FRMD5: variants seen among roughly 807,000 people sequenced by gnomAD.
The protein encoded by FRMD5 is FERM domain containing 5, also known as FERM domain-containing protein 5.
In FRMD5, 20 loss-of-function variants were observed where a neutral mutation model predicts 69.0. That is an observed-to-expected ratio of 0.29 (90% CI 0.20 to 0.42). FRMD5 has a LOEUF of 0.42. FRMD5 is among the 10% of genes least tolerant of loss of function. The probability of loss-of-function intolerance (pLI) is 1.00; values close to 1 mark genes in which losing one functional copy is unlikely to be tolerated. For missense variants in FRMD5, 595 were observed against 708.6 expected (o/e 0.84, Z 1.82); for synonymous variants, 271 against 260.1 (o/e 1.04, Z -0.40).
intron 1 of FRMD5, among the ~76,000 whole-genome samples, chr15:44,143,924 C>CAAAAAAAA (rs58823511): frequency 2.2e-5 from 2 of 92,694 alleles, no homozygotes; most frequent in Non-Finnish European, 4.0e-5. Flanking sequence ...ACTCTGTCAC[C>CAAAAAAAA]AAAAAAAAAA....
intron 1 of FRMD5, among the ~76,000 whole-genome samples, chr15:44,049,673 C>A (rs913887969): frequency 1.4e-4 from 21 of 152,204 alleles, no homozygotes; most frequent in African/African-American, 5.1e-4. Flanking sequence ...TTTCTGTCAT[C>A]TCCATTTGCA....
intron 1 of FRMD5, among the ~76,000 whole-genome samples, chr15:44,123,311 C>A (rs1192017587): frequency 1.3e-5 from 2 of 150,846 alleles, no homozygotes; most frequent in Admixed American, 1.3e-4. Flanking sequence ...CGCCATTGCA[C>A]TCCAGCCAGG....
At position 43,910,572 on chromosome 15, in the gene FRMD5, C is replaced by CAAAAAAAAA. The variant is rs1167867396; in HGVS notation, c.330-602_330-594dup. 1.2e-3 allele frequency among the ~76,000 whole-genome samples: 50 copies of CAAAAAAAAA among 40,356 alleles called. 1 individual carries two copies. The highest frequency in any genetic ancestry group is 7.0e-3 in the East Asian group (9 of 1,294). The allele number at this position is 40,356 out of a possible 152,430, so 26.5% of individuals were successfully genotyped here. On this transcript the variant is annotated intron_variant, in intron 4 of 13. Coordinates refer to ENST00000417257, the MANE Select transcript of FRMD5 (RefSeq NM_032892.5). ...CTGGGCAATCGGAGAGACCTTGTCT[C>CAAAAAAAAA]AAAAAAAAAAAAAAAAAAAAAAAAA...
intron 1 of FRMD5, among the ~76,000 whole-genome samples, chr15:43,942,904 C>T (rs1055854136): frequency 1.3e-5 from 2 of 152,144 alleles, no homozygotes; most frequent in African/African-American, 2.4e-5. Flanking sequence ...GGACTTTAGG[C>T]GTGTGCCACC....
At chr15:44,085,622 A>C (rs1424649351) in intron 1 of FRMD5, among the ~76,000 whole-genome samples, 1 of 152,184 alleles carries the variant, frequency 6.6e-6, no homozygotes, top group Non-Finnish European at 1.5e-5. Flanking sequence ...AAGTCTGGGC[A>C]TTATCTTATA....
chr15:43,903,195 C>T (rs2089088456), intron 6 of FRMD5, among the ~76,000 whole-genome samples: 1 of 152,234 alleles, frequency 6.6e-6, no homozygotes, highest in South Asian at 2.1e-4. Flanking sequence ...CCCTGCAAAG[C>T]AGATATACTT....
chr15:44,022,430 T>C (rs1891248122), intron 1 of FRMD5, among the ~76,000 whole-genome samples: 1 of 149,742 alleles, frequency 6.7e-6, no homozygotes, highest in Non-Finnish European at 1.5e-5. Flanking sequence ...GAAAATTAGT[T>C]GGGCGTGGTG....
chr15:44,046,898 A>T (rs1892451088), intron 1 of FRMD5, among the ~76,000 whole-genome samples: 1 of 152,220 alleles, frequency 6.6e-6, no homozygotes, highest in Non-Finnish European at 1.5e-5. Flanking sequence ...ACTGAATACC[A>T]ACTGGAACCA....
intron 4 of FRMD5, among the ~76,000 whole-genome samples, chr15:43,912,947 T>C (rs60484809): frequency 0.14 from 20,242 of 149,658 alleles, 2,384 homozygotes; most frequent in African/African-American, 0.31. Context: ...GCAGGAGAAT[T>C]GCTTGAACCC....
intron 1 of FRMD5, chr15:44,063,554 G>T: frequency 1.9e-6 from 1 of 516,058 alleles, no homozygotes; most frequent in Non-Finnish European, 3.8e-6. Flanking sequence ...AGTTGTACTG[G>T]TCACCTGGTC....
upstream of FRMD5, among the ~76,000 whole-genome samples, chr15:44,196,752 T>TCTCTCTCTCTCTC (rs1566999527): frequency 1.4e-5 from 1 of 71,956 alleles, no homozygotes; most frequent in African/African-American, 4.5e-5. Flanking sequence ...CTCTCTCTCT[T>TCTCTCTCTCTCTC]TCTCTCTCTC....
chr15:43,964,707 T>C (rs1284157838), intron 1 of FRMD5, among the ~76,000 whole-genome samples: 1 of 152,210 alleles, frequency 6.6e-6, no homozygotes, highest in East Asian at 1.9e-4. Flanking sequence ...TTCCAGATGA[T>C]GACAATTTTC....
chr15:44,155,383 G>A (rs2140483965), intron 1 of FRMD5, among the ~76,000 whole-genome samples: 1 of 149,850 alleles, frequency 6.7e-6, no homozygotes, highest in South Asian at 2.1e-4. Flanking sequence ...AGTGGGCCGA[G>A]ATCACACCAC....
chr15:44,197,567 A>G (rs993194458), upstream of FRMD5, among the ~76,000 whole-genome samples: 2 of 151,294 alleles, frequency 1.3e-5, no homozygotes, highest in African/African-American at 4.9e-5. Context: ...CTGTAGTCTC[A>G]GCTACTCAGG....
chr15:44,027,023 T>C (rs1249914130), intron 1 of FRMD5, among the ~76,000 whole-genome samples: 1 of 152,194 alleles, frequency 6.6e-6, no homozygotes, highest in African/African-American at 2.4e-5. Context: ...ATCTGTGGTG[T>C]TTGTTGGAAT....
At chr15:44,027,882 G>T (rs746809292) in intron 1 of FRMD5, among the ~76,000 whole-genome samples, 8 of 152,014 alleles carry the variant, frequency 5.3e-5, no homozygotes, top group East Asian at 1.9e-4. Flanking sequence ...CTGACCTCAT[G>T]ATCTGCCCTC....
intron 1 of FRMD5, among the ~76,000 whole-genome samples, chr15:44,178,084 G>A (rs2077931213): frequency 6.6e-6 from 1 of 152,160 alleles, no homozygotes; most frequent in Non-Finnish European, 1.5e-5. Context: ...TCCACTTTGG[G>A]AGGCTGAGGC....
intron 1 of FRMD5, among the ~76,000 whole-genome samples, chr15:44,072,799 T>A (rs532319327): frequency 1.3e-5 from 2 of 152,126 alleles, no homozygotes; most frequent in African/African-American, 4.8e-5. Flanking sequence ...AAAAACAAAC[T>A]GTGTTTTCCA....
intron 1 of FRMD5, among the ~76,000 whole-genome samples, chr15:44,180,208 C>T (rs2696099): frequency 0.85 from 128,598 of 152,082 alleles, 56,960 homozygotes; most frequent in Non-Finnish European, 0.97. Context: ...TCTGTAATTA[C>T]AGACAATATC....
Sources: allele counts gnomAD v4.1 joint callset (sites outside exome capture counted in the v4.1 genomes callset), GRCh38; gene constraint gnomAD v4.1.1; transcripts MANE v1.5; gene names NCBI Gene and HGNC (gene_info 2026-07-23, HGNC 2026-07-21).